Variants in LUC7L3 observed in about 807,000 individuals in gnomAD.
LUC7L3 encodes the protein luc7-like protein 3.
Under a neutral mutation model 66.8 loss-of-function variants are expected in LUC7L3, and 6 were observed. The ratio of observed to expected loss-of-function variants is 0.09; its 90% CI spans 0.05 to 0.18. The LOEUF (loss-of-function observed/expected upper bound fraction) is 0.18, where lower values mean the gene tolerates loss of function less well. Among genes scored for constraint, LUC7L3 ranks in the 10% least tolerant of loss-of-function variants. LUC7L3 has a pLI of 1.00. For synonymous variants in LUC7L3, 160 were observed against 174.7 expected (o/e 0.92, Z 0.66); for missense variants, 341 against 531.1 (o/e 0.64, Z 3.52).
chr17:50,746,407 G>C, intron 8 of LUC7L3, 135 bp from the exon 9 acceptor site: 1 of 788,606 alleles, frequency 1.3e-6, no homozygotes, highest in East Asian at 2.5e-5. Context: ...ATAATTTTTA[G>C]TTCTTAAGAT....
chr17:50,727,473 G>GT (rs1358617540), intron 1 of LUC7L3, among the ~76,000 whole-genome samples: 2 of 151,892 alleles, frequency 1.3e-5, no homozygotes, highest in Non-Finnish European at 2.9e-5. Flanking sequence ...CCACAAGAAT[G>GT]TTTTTTTTGG....
At chr17:50,727,734 A>G (rs1016804504) in intron 1 of LUC7L3, among the ~76,000 whole-genome samples, 7 of 152,192 alleles carry the variant, frequency 4.6e-5, no homozygotes, top group Non-Finnish European at 7.3e-5. Flanking sequence ...GAATTTGGCA[A>G]ATTTTAAATA....
At chr17:50,732,171 G>C (rs1463309200) in intron 1 of LUC7L3, among the ~76,000 whole-genome samples, 4 of 152,134 alleles carry the variant, frequency 2.6e-5, no homozygotes, top group Non-Finnish European at 5.9e-5. Context: ...CCTAAGGGCA[G>C]GATTTACAGT....
In LUC7L3 at chr17:50,753,564, A is replaced by G. The variant is rs1335895666; in HGVS notation, c.*2903A>G. On this transcript the variant is annotated 3_prime_UTR_variant, in exon 10 of 10. Coordinates refer to ENST00000505658, the MANE Select transcript of LUC7L3 (RefSeq NM_016424.5). ...CCTAGCTGATCCTGGAGATGCAGCA[A>G]TAGATGAATGGGTTATCTCTGAATT... 6.6e-6 allele frequency: 1 copy of G among 152,216 alleles called. No homozygotes were observed. The highest frequency in any genetic ancestry group is 1.9e-4 in the East Asian group (1 of 5,204). 9.4% of individuals were successfully genotyped at this position (152,216 alleles called of 1,614,324 possible). A position where few individuals can be genotyped will look rare whatever the true frequency, so the allele number is the denominator to read the frequency against.
At chr17:50,735,788 A>G (rs1278881278) in intron 1 of LUC7L3, among the ~76,000 whole-genome samples, 2 of 152,116 alleles carry the variant, frequency 1.3e-5, no homozygotes, top group East Asian at 1.9e-4. Context: ...GTGAGCCACC[A>G]TGCCTGACCA....
In LUC7L3 at chr17:50,732,548, ATTT is replaced by A. The variant is rs71356542; in HGVS notation, c.100-4407_100-4405del. Among the ~76,000 whole-genome samples the A allele has an allele frequency of 1.8e-3, 253 of 139,092 alleles. 1 individual carries two copies. The highest frequency in any genetic ancestry group is 3.0e-3 in the Non-Finnish European group (200 of 65,608). 91.2% of individuals were successfully genotyped at this position (139,092 alleles called of 152,430 possible). On this transcript the variant is annotated intron_variant, in intron 1 of 9. Coordinates refer to ENST00000505658, the MANE Select transcript of LUC7L3 (RefSeq NM_016424.5). ...AGGTGTGTGACACCATACCTGGCTA[ATTT>A]TTTTCATTCTTTTTTTTTTTTTTTT...
intron 1 of LUC7L3, among the ~76,000 whole-genome samples, chr17:50,721,631 A>G (rs901936017): frequency 2.6e-5 from 4 of 152,346 alleles, no homozygotes; most frequent in Non-Finnish European, 4.4e-5. Context: ...TTGAGCAAAA[A>G]CAAAGCACAT....
In LUC7L3 at chr17:50,741,158, A is replaced by G; in HGVS notation, c.263A>G (p.Tyr88Cys). ...KVGYERDFLR[Y>C]LQSLLAEVER... ...GGCTATGAGAGAGATTTTTTGCGAT[A>G]CTTACAGAGCTTACTTGCAGAAGTA... The change falls in exon 4 of 10, where the codon TAC (tyrosine) becomes TGC (cysteine). Residue 88 changes from tyrosine to cysteine, a missense_variant. Physicochemically the swap from Tyr to Cys is radical, Grantham distance 194. This residue lies in a region of LUC7L3 where 86 missense variants were observed against 172.0 expected (regional missense o/e 0.50). Transcript: ENST00000505658. 6.2e-7 allele frequency: 1 copy of G among 1,614,178 alleles called. No individual in the cohort carries two copies. The highest frequency in any genetic ancestry group is 8.5e-7 in the Non-Finnish European group (1 of 1,180,016).
At chr17:50,720,528 T>G (rs953418670) in intron 1 of LUC7L3, among the ~76,000 whole-genome samples, 1 of 152,212 alleles carries the variant, frequency 6.6e-6, no homozygotes, top group Non-Finnish European at 1.5e-5. Context: ...AGGAAACTAA[T>G]CTTTGTAGTT....
intron 1 of LUC7L3, among the ~76,000 whole-genome samples, chr17:50,728,117 A>T (rs1191918912): frequency 4.6e-4 from 2 of 4,370 alleles, no homozygotes; most frequent in Non-Finnish European, 1.2e-3. Flanking sequence ...GATCTGTCTC[A>T]AAAAAAAAAA....
In LUC7L3 at chr17:50,740,152, C is replaced by T. The variant is rs1231741544; in HGVS notation, c.167-154C>T. 3.2e-5 allele frequency: 19 copies of T among 598,852 alleles called. No homozygotes were observed. The South Asian group carries it at 3.9e-4, about 12-fold the overall frequency. 37.1% of individuals were successfully genotyped at this position (598,852 alleles called of 1,614,324 possible). ...TATATCCTATTTGGTTATGATGCTTCATGATTTAGTAGGATCAGTTTAGAT... is the reference window on the plus strand; with the variant it reads ...TATATCCTATTTGGTTATGATGCTTTATGATTTAGTAGGATCAGTTTAGAT... On this transcript the variant is annotated intron_variant, in intron 2 of 9. Coordinates refer to ENST00000505658, the MANE Select transcript of LUC7L3 (RefSeq NM_016424.5).
chr17:50,743,642 G>A (rs1029923889), intron 5 of LUC7L3, 64 bp from the exon 6 acceptor site: 2 of 1,038,126 alleles, frequency 1.9e-6, no homozygotes, highest in South Asian at 1.4e-5. Flanking sequence ...TGAACCATGG[G>A]GAAAAAAGAC....
At chr17:50,729,593 G>T (rs1432388939) in intron 1 of LUC7L3, among the ~76,000 whole-genome samples, 1 of 151,972 alleles carries the variant, frequency 6.6e-6, no homozygotes, top group African/African-American at 2.4e-5. Flanking sequence ...CACTCACCCA[G>T]ACTGGGACTT....
At chr17:50,724,532 A>T (rs1969026932) in intron 1 of LUC7L3, among the ~76,000 whole-genome samples, 2 of 151,962 alleles carry the variant, frequency 1.3e-5, no homozygotes, top group East Asian at 3.9e-4. Context: ...AAAAAAAAAT[A>T]GAATAAAATA....
At chr17:50,742,149 C>G (rs968557334) in intron 5 of LUC7L3, among the ~76,000 whole-genome samples, 3 of 152,090 alleles carry the variant, frequency 2.0e-5, no homozygotes, top group African/African-American at 7.2e-5. Context: ...ACGCTCAACA[C>G]TATTAGTCGT....
chr17:50,742,870 C>G (rs1207951757), intron 5 of LUC7L3, among the ~76,000 whole-genome samples: 1 of 152,126 alleles, frequency 6.6e-6, no homozygotes, highest in Non-Finnish European at 1.5e-5. Flanking sequence ...CATGATGTAT[C>G]TATATGGTGG....
At chr17:50,749,290 G>T (rs1567879459) in intron 9 of LUC7L3, 1 of 1,289,368 alleles carries the variant, frequency 7.8e-7, no homozygotes, top group South Asian at 1.2e-5. Flanking sequence ...CCTCATTGAA[G>T]CTACCTGTGC....
intron 1 of LUC7L3, among the ~76,000 whole-genome samples, chr17:50,725,908 A>G (rs943877288): frequency 6.6e-6 from 1 of 152,240 alleles, no homozygotes; most frequent in Non-Finnish European, 1.5e-5. Context: ...CAGAGAAAGT[A>G]AAGCTTGAGT....
rs573666739 is a variant in LUC7L3, at chr17:50,746,118, TGATAG to T, written c.977+119_977+123del. 4.0e-4 allele frequency: 552 copies of T among 1,389,280 alleles called. 1 individual carries two copies. The African/African-American group carries it at 7.4e-3, about 19-fold the overall frequency. The allele number at this position is 1,389,280 out of a possible 1,614,324, so 86.1% of individuals were successfully genotyped here. On this transcript the variant is annotated intron_variant, in intron 8 of 9. Coordinates refer to ENST00000505658, the MANE Select transcript of LUC7L3 (RefSeq NM_016424.5). ...TGGGAAGCTCTTAAGCATCTTTAAG[TGATAG>T]GATGGGTTGCGAGAGCGGAATCAGT...
Sources: gnomAD v4.1 joint callset for allele counts (sites outside exome capture counted in the v4.1 genomes callset) on GRCh38, gnomAD v4.1.1 for gene constraint, gnomAD v4.1.1 regional missense constraint, MANE v1.5 for transcripts, NCBI Gene and HGNC (gene_info 2026-07-23, HGNC 2026-07-21) for gene names.